The following DAB1 variants were observed in gnomAD, a reference collection of about 807,000 sequenced individuals.
DAB1 encodes the protein disabled homolog 1.
In DAB1, 15 loss-of-function variants were observed where a neutral mutation model predicts 64.6. The ratio of observed to expected loss-of-function variants is 0.23; its 90% CI spans 0.16 to 0.36. The LOEUF is 0.36. Among genes scored for constraint, DAB1 ranks in the 10% least tolerant of loss-of-function variants. The pLI, the probability that DAB1 is intolerant of heterozygous loss-of-function variation, is 1.00. For synonymous variants in DAB1, 235 were observed against 251.9 expected, an observed-to-expected ratio of 0.93 and a Z score of 0.64; for missense variants, 596 against 706.7, an observed-to-expected ratio of 0.84 and a Z score of 1.78.
chr1:57,687,645 T>C (rs1182680542), intron 6 of DAB1, among the ~76,000 whole-genome samples: 1 of 127,606 alleles, frequency 7.8e-6, no homozygotes, highest in Non-Finnish European at 1.7e-5. Flanking sequence ...GCTCTAGGCA[T>C]CACAAGACCT....
intron 4 of DAB1, among the ~76,000 whole-genome samples, chr1:58,157,053 A>G (rs751399096): frequency 6.6e-6 from 1 of 152,144 alleles, no homozygotes; most frequent in Non-Finnish European, 1.5e-5. Flanking sequence ...TTTGCTTAGG[A>G]AGCTGTCACA....
chr1:57,145,465 G>A, intron 2 of DAB1, 36 bp from the exon 3 acceptor site: 2 of 1,610,696 alleles, frequency 1.2e-6, no homozygotes, highest in African/African-American at 1.3e-5. Flanking sequence ...ATATGTAGCT[G>A]TGCAGACCCC....
chr1:57,042,558 G>A (rs1389051960), intron 9 of DAB1, among the ~76,000 whole-genome samples: 2 of 152,086 alleles, frequency 1.3e-5, no homozygotes, highest in Non-Finnish European at 2.9e-5. Flanking sequence ...TATAGCCTAT[G>A]GCCTTGTAGA....
At chr1:57,442,953 T>A (rs1171972003) in intron 7 of DAB1, among the ~76,000 whole-genome samples, 1 of 152,190 alleles carries the variant, frequency 6.6e-6, no homozygotes, top group African/African-American at 2.4e-5. Flanking sequence ...CTTCAGGCAT[T>A]TCCTTCTACT....
Position 57,263,759 on chromosome 1 carries a change from G to GC in DAB1, c.67+27204_67+27205insG, listed in dbSNP as rs537903669. On this transcript the variant is annotated intron_variant, in intron 2 of 14. Transcript: ENST00000371236. Reference sequence around the variant, plus strand: ...ACTGGATGTCATTTAGTCGGAGCCAGTTTTGTGCCAATAATTTTCATTACA... The same window carrying GC: ...ACTGGATGTCATTTAGTCGGAGCCAGCTTTTGTGCCAATAATTTTCATTACA... Among the ~76,000 whole-genome samples the GC allele has an allele frequency of 6.1e-4, 93 of 152,324 alleles. 1 individual carries two copies. In the South Asian group the frequency reaches 0.017, roughly 27 times the overall value.
At chr1:58,195,244 C>T (rs539546432) in intron 4 of DAB1, among the ~76,000 whole-genome samples, 1 of 152,020 alleles carries the variant, frequency 6.6e-6, no homozygotes, top group East Asian at 1.9e-4. Context: ...ATTTGTTGAG[C>T]CCAAAAATGA....
chr1:58,084,979 T>C (rs1224729637), intron 5 of DAB1, among the ~76,000 whole-genome samples: 2 of 152,212 alleles, frequency 1.3e-5, no homozygotes, highest in Non-Finnish European at 2.9e-5. Context: ...AGGTGCATTT[T>C]GTTACATGAC....
At chr1:57,623,718 T>C (rs1351470148) in intron 7 of DAB1, among the ~76,000 whole-genome samples, 1 of 152,068 alleles carries the variant, frequency 6.6e-6, no homozygotes, top group Non-Finnish European at 1.5e-5. Context: ...TGTTTTGAAA[T>C]AGTCAGAATT....
intron 2 of DAB1, among the ~76,000 whole-genome samples, chr1:57,284,768 C>T (rs1449124314): frequency 6.6e-6 from 1 of 152,234 alleles, no homozygotes; most frequent in East Asian, 1.9e-4. Flanking sequence ...CCAATGTTAG[C>T]GGAAGTTACT....
At chr1:57,776,477 T>G (rs1649804224) in intron 6 of DAB1, among the ~76,000 whole-genome samples, 2 of 151,146 alleles carry the variant, frequency 1.3e-5, no homozygotes, top group African/African-American at 4.8e-5. Flanking sequence ...AAATCTACTG[T>G]CATGCTATTT....
At chr1:57,710,130 T>C (rs1253908575) in intron 6 of DAB1, among the ~76,000 whole-genome samples, 2 of 152,184 alleles carry the variant, frequency 1.3e-5, no homozygotes, top group East Asian at 3.8e-4. Flanking sequence ...GTGTTTAATG[T>C]TTTTGTTTAG....
chr1:57,395,222 C>T (rs927614607), intron 1 of DAB1, among the ~76,000 whole-genome samples: 2 of 152,068 alleles, frequency 1.3e-5, no homozygotes, highest in East Asian at 1.9e-4. Context: ...GACGGGGTTT[C>T]GCCATGTTGG....
intron 9 of DAB1, among the ~76,000 whole-genome samples, chr1:57,045,891 GAA>G (rs1331031414): frequency 2.6e-5 from 4 of 152,172 alleles, no homozygotes; most frequent in Non-Finnish European, 1.5e-5. Flanking sequence ...GGAGAAGAGA[GAA>G]AGTGTTGTAA....
intron 4 of DAB1, among the ~76,000 whole-genome samples, chr1:57,136,067 C>T (rs1033946774): frequency 6.6e-6 from 1 of 152,048 alleles, no homozygotes; most frequent in African/African-American, 2.4e-5. Context: ...ATTTCCTGGT[C>T]GTGCAGTGAT....
chr1:58,101,981 T>G (rs1052309222), intron 5 of DAB1, among the ~76,000 whole-genome samples: 3 of 152,254 alleles, frequency 2.0e-5, no homozygotes, highest in African/African-American at 7.2e-5. Context: ...CTCCCCATCA[T>G]GCTTGCCACA....
At chr1:57,828,228 A>G (rs1233462018) in intron 1 of DAB1, among the ~76,000 whole-genome samples, 5 of 152,120 alleles carry the variant, frequency 3.3e-5, no homozygotes, top group Non-Finnish European at 7.4e-5. Flanking sequence ...TACAGGCGTG[A>G]GCCACCATGC....
At chr1:57,778,548 G>A (rs1649922067) in intron 6 of DAB1, among the ~76,000 whole-genome samples, 1 of 152,064 alleles carries the variant, frequency 6.6e-6, no homozygotes, top group Middle Eastern at 3.4e-3. Context: ...GTTGTTTGTA[G>A]TACAAGGGTA....
At chr1:57,151,894 A>G (rs1332937292) in intron 2 of DAB1, among the ~76,000 whole-genome samples, 1 of 146,434 alleles carries the variant, frequency 6.8e-6, no homozygotes, top group Non-Finnish European at 1.5e-5. Context: ...GCTCACTGCA[A>G]CCTCCACCTC....
At chr1:58,394,372 G>A (rs1483750663) in intron 3 of DAB1, among the ~76,000 whole-genome samples, 1 of 152,166 alleles carries the variant, frequency 6.6e-6, no homozygotes, top group East Asian at 1.9e-4. Flanking sequence ...TATTTACTCA[G>A]AGAAAAATGA....
Sources: gnomAD v4.1 joint callset for allele counts (sites outside exome capture counted in the v4.1 genomes callset) on GRCh38, gnomAD v4.1.1 for gene constraint, MANE v1.5 for transcripts, NCBI Gene and HGNC (gene_info 2026-07-23, HGNC 2026-07-21) for gene names.